CDH11: variants seen among roughly 807,000 people sequenced by gnomAD.
The protein encoded by CDH11 is cadherin 11.
In CDH11, 11 loss-of-function variants were observed where a neutral mutation model predicts 67.8. That is an observed-to-expected ratio of 0.16 (90% CI 0.10 to 0.27). CDH11 has a LOEUF of 0.27. CDH11 is among the 10% of genes least tolerant of loss of function. The pLI, the probability that CDH11 is intolerant of heterozygous loss-of-function variation, is 1.00. For synonymous variants in CDH11, 419 were observed against 400.0 expected (o/e 1.05, Z -0.57); for missense variants, 847 against 1,031.2 (o/e 0.82, Z 2.45).
chr16:65,050,468 C>T (rs1179558314), intron 2 of CDH11, among the ~76,000 whole-genome samples: 1 of 152,136 alleles, frequency 6.6e-6, no homozygotes, highest in African/African-American at 2.4e-5. Flanking sequence ...GTCATAGGTG[C>T]CTGTTCAAGA....
chr16:65,016,245 T>C (rs913085660), intron 2 of CDH11, among the ~76,000 whole-genome samples: 1 of 152,254 alleles, frequency 6.6e-6, no homozygotes, highest in African/African-American at 2.4e-5. Context: ...GATCTCATTG[T>C]TGTTTCAAAT....
At chr16:64,963,686 T>TA (rs2071733456) in intron 11 of CDH11, among the ~76,000 whole-genome samples, 1 of 152,012 alleles carries the variant, frequency 6.6e-6, no homozygotes, top group Non-Finnish European at 1.5e-5. Flanking sequence ...CAAAGATTTT[T>TA]TAAAAATGCT....
intron 11 of CDH11, among the ~76,000 whole-genome samples, chr16:64,954,636 G>A (rs1567486255): frequency 6.6e-6 from 1 of 152,172 alleles, no homozygotes; most frequent in Non-Finnish European, 1.5e-5. Flanking sequence ...CTAGCAGCCT[G>A]GTTTGGCATT....
At chr16:65,015,019 TTA>T (rs2073270528) in intron 2 of CDH11, among the ~76,000 whole-genome samples, 3 of 74,160 alleles carry the variant, frequency 4.0e-5, no homozygotes, top group Non-Finnish European at 8.0e-5. Flanking sequence ...GGCTAATTTA[TTA>T]TTATTATTAT....
chr16:65,030,376 G>C (rs2073619433), intron 2 of CDH11, among the ~76,000 whole-genome samples: 1 of 152,128 alleles, frequency 6.6e-6, no homozygotes, highest in Non-Finnish European at 1.5e-5. Flanking sequence ...AACTCTACTT[G>C]AAATGCATCT....
Position 64,948,087 on chromosome 16 carries a change from A to G in CDH11, c.1907T>C (p.Leu636Ser). Reference sequence around the variant, plus strand: ...CTTTTGCCTTCTCAGGGTCACAAACAATACTACAATGACTGGAGGGAAAGA... The same window carrying G: ...CTTTTGCCTTCTCAGGGTCACAAACGATACTACAATGACTGGAGGGAAAGA... ...CIVILLVIVV[L>S]FVTLRRQKKE... The change falls in exon 13 of 13, where the codon TTG becomes TCG. Residue 636 changes from leucine (L) to serine (S), a missense_variant. Leu to Ser is a moderately radical substitution (Grantham distance 145). Coordinates refer to ENST00000268603, the MANE Select transcript of CDH11 (RefSeq NM_001797.4). 6.2e-7 allele frequency: 1 copy of G among 1,612,306 alleles called. No individual in the cohort carries two copies. The highest frequency in any genetic ancestry group is 8.5e-7 in the Non-Finnish European group (1 of 1,178,850).
At chr16:64,950,313 G>A (rs1423227037) in intron 12 of CDH11, among the ~76,000 whole-genome samples, 1 of 152,040 alleles carries the variant, frequency 6.6e-6, no homozygotes, top group African/African-American at 2.4e-5. Context: ...TCCAGTTCCC[G>A]AGTCCTTCCT....
chr16:65,032,059 A>G (rs2034158407), intron 2 of CDH11, among the ~76,000 whole-genome samples: 1 of 152,164 alleles, frequency 6.6e-6, no homozygotes, highest in African/African-American at 2.4e-5. Context: ...GAGTGAATCA[A>G]TGGGGGAGGT....
At chr16:65,114,349 C>G (rs1023031337) in intron 1 of CDH11, among the ~76,000 whole-genome samples, 1 of 152,088 alleles carries the variant, frequency 6.6e-6, no homozygotes, top group African/African-American at 2.4e-5. Flanking sequence ...GAAGGAGGCC[C>G]AGGCTTGAGA....
chr16:65,044,519 T>G (rs2073921876), intron 2 of CDH11, among the ~76,000 whole-genome samples: 1 of 151,994 alleles, frequency 6.6e-6, no homozygotes, highest in Non-Finnish European at 1.5e-5. Context: ...GTGGAAGTGA[T>G]AGACACTGAG....
At position 65,122,046 on chromosome 16, in the gene CDH11, T is replaced by G. The variant is rs1313783677; in HGVS notation, c.-464A>C. The G allele has an allele frequency of 6.0e-6, 3 of 499,476 alleles. No individual in the cohort carries two copies. Among genetic ancestry groups the G allele is most frequent in the African/African-American group, 2.2e-5 (1 of 46,158 alleles). The allele number at this position is 499,476 out of a possible 1,614,324, so 30.9% of individuals were successfully genotyped here. Reference sequence around the variant, plus strand: ...CTCGGCCCGCGACGCTCCCCTCAGCTGGCGGCGGCCGCGGAATGAGCCGCC... The same window carrying G: ...CTCGGCCCGCGACGCTCCCCTCAGCGGGCGGCGGCCGCGGAATGAGCCGCC... On this transcript the variant is annotated 5_prime_UTR_variant, in exon 1 of 13. Coordinates refer to ENST00000268603, the MANE Select transcript of CDH11 (RefSeq NM_001797.4).
chr16:65,051,417 A>G (rs2074054672), intron 2 of CDH11, among the ~76,000 whole-genome samples: 1 of 151,074 alleles, frequency 6.6e-6, no homozygotes, highest in African/African-American at 2.4e-5. Flanking sequence ...TGCCCATAAT[A>G]TGGGAGATTC....
chr16:65,079,079 CA>C (rs2074564948), intron 1 of CDH11, among the ~76,000 whole-genome samples: 1 of 152,160 alleles, frequency 6.6e-6, no homozygotes, highest in Admixed American at 6.5e-5. Context: ...CAAGGCATTG[CA>C]AACCCATTCA....
At chr16:64,990,395 T>G (rs1377466240) in intron 6 of CDH11, among the ~76,000 whole-genome samples, 1 of 152,146 alleles carries the variant, frequency 6.6e-6, no homozygotes, top group African/African-American at 2.4e-5. Flanking sequence ...GGGGCCACAT[T>G]TAGTAGCCTT....
intron 11 of CDH11, among the ~76,000 whole-genome samples, chr16:64,971,053 C>A (rs145749591): frequency 6.6e-6 from 1 of 152,234 alleles, no homozygotes; most frequent in Admixed American, 6.5e-5. Flanking sequence ...TAAATTTTGC[C>A]GTTTTTATAA....
chr16:65,052,588 T>C (rs1478561925), intron 2 of CDH11, among the ~76,000 whole-genome samples: 2 of 152,068 alleles, frequency 1.3e-5, no homozygotes, highest in African/African-American at 4.8e-5. Context: ...AGCAAAACAG[T>C]GGCCCTTCCC....
chr16:64,960,531 C>G (rs992212779), intron 11 of CDH11, among the ~76,000 whole-genome samples: 1 of 151,972 alleles, frequency 6.6e-6, no homozygotes, highest in East Asian at 1.9e-4. Flanking sequence ...GACAAGGCAG[C>G]CCAAATGTTC....
Position 64,991,419 on chromosome 16 carries a change from A to AGGTTAGAAATGG in CDH11, c.811+348_811+349insCCATTTCTAACC, listed in dbSNP as rs1441536430. On this transcript the variant is annotated intron_variant, in intron 6 of 12. Coordinates refer to ENST00000268603, the MANE Select transcript of CDH11 (RefSeq NM_001797.4). ...TTACACAGTAATTGATAACTGATTCAGGGACTGTTATATCCAGGTTAGAAA... is the reference window on the plus strand; with the variant it reads ...TTACACAGTAATTGATAACTGATTCAGGTTAGAAATGGGGGACTGTTATATCCAGGTTAGAAA... 3 of 205,958 alleles carry AGGTTAGAAATGG rather than the reference A, an allele frequency of 1.5e-5. No individual in the cohort carries two copies. The Admixed American group carries it at 1.6e-4, about 11-fold the overall frequency. 12.8% of individuals were successfully genotyped at this position (205,958 alleles called of 1,614,324 possible).
chr16:65,004,681 T>C lies in CDH11; in HGVS notation c.189A>G (p.Ile63Met). ...RGWVWNQFFV[I>M]EEYTGPDPVL... The stretch of plus-strand genomic sequence containing the variant: ...CGGGGTCAGGCCCGGTGTACTCCTC[T>C]ATCACGAAGAACTGGTTCCAGACCC... Residue 63 changes from isoleucine to methionine, a missense_variant, in exon 3 of 13, where the codon ATA (isoleucine) becomes ATG (methionine). Transcript: ENST00000268603. The C allele has an allele frequency of 6.2e-7, 1 of 1,613,750 alleles. No homozygotes were observed. Among genetic ancestry groups the C allele is most frequent in the Non-Finnish European group, 8.5e-7 (1 of 1,179,966 alleles).
Sources: allele counts gnomAD v4.1 joint callset (sites outside exome capture counted in the v4.1 genomes callset), GRCh38; gene constraint gnomAD v4.1.1; transcripts MANE v1.5; gene names NCBI Gene and HGNC (gene_info 2026-07-23, HGNC 2026-07-21).